Variants in KAZN observed in about 807,000 individuals in gnomAD.
KAZN encodes the protein kazrin, periplakin interacting protein.
In KAZN, 40 loss-of-function variants were observed where a neutral mutation model predicts 87.4. The ratio of observed to expected loss-of-function variants is 0.46; its 90% CI spans 0.36 to 0.60. The LOEUF (loss-of-function observed/expected upper bound fraction) is 0.60, where lower values mean the gene tolerates loss of function less well. Among genes scored for constraint, KAZN ranks in the 20% least tolerant of loss-of-function variants. The pLI, the probability that KAZN is intolerant of heterozygous loss-of-function variation, is 0.00. For synonymous variants in KAZN, 466 were observed against 458.3 expected (o/e 1.02, Z -0.22); for missense variants, 898 against 1,073.9 (o/e 0.84, Z 2.29).
chr1:14,193,964 C>T (rs1448078390), intron 2 of KAZN, among the ~76,000 whole-genome samples: 2 of 151,996 alleles, frequency 1.3e-5, no homozygotes, highest in African/African-American at 4.8e-5. Context: ...TTTGTTGATT[C>T]CCTATTATTG....
chr1:14,862,994 G>C (rs1651042767), intron 1 of KAZN, among the ~76,000 whole-genome samples: 1 of 152,220 alleles, frequency 6.6e-6, no homozygotes, highest in South Asian at 2.1e-4. Flanking sequence ...AGGTGGAGCT[G>C]AGATTCGGTC....
intron 1 of KAZN, among the ~76,000 whole-genome samples, chr1:14,913,442 C>T (rs1361845884): frequency 1.3e-5 from 2 of 152,194 alleles, no homozygotes; most frequent in Non-Finnish European, 2.9e-5. Context: ...CCTCCCGAAA[C>T]CAGTTCCAAA....
chr1:14,300,639 C>T (rs1259801794), intron 2 of KAZN, among the ~76,000 whole-genome samples: 1 of 152,178 alleles, frequency 6.6e-6, no homozygotes, highest in African/African-American at 2.4e-5. Context: ...TGGAAACAGA[C>T]AGGTTAGGAA....
chr1:14,791,105 A>T (rs1645661108), intron 1 of KAZN, among the ~76,000 whole-genome samples: 1 of 152,204 alleles, frequency 6.6e-6, no homozygotes, highest in African/African-American at 2.4e-5. Context: ...TGCTTAACAG[A>T]CAACCCTGCC....
chr1:13,950,836 G>A (rs1641318194), intron 1 of KAZN, among the ~76,000 whole-genome samples: 1 of 152,158 alleles, frequency 6.6e-6, no homozygotes, highest in African/African-American at 2.4e-5. Context: ...GTTCCCACTG[G>A]CTGCCTCTTG....
At chr1:13,964,326 G>A (rs916843564) in intron 1 of KAZN, among the ~76,000 whole-genome samples, 18 of 152,198 alleles carry the variant, frequency 1.2e-4, no homozygotes, top group African/African-American at 4.3e-4. Context: ...AAAGAAGAAA[G>A]CAGTAGAAGT....
intron 1 of KAZN, among the ~76,000 whole-genome samples, chr1:14,803,147 C>T (rs995070033): frequency 5.9e-5 from 9 of 151,626 alleles, no homozygotes; most frequent in African/African-American, 1.9e-4. Context: ...ATAAGACAAA[C>T]GCTGTGCTAA....
intron 1 of KAZN, among the ~76,000 whole-genome samples, chr1:14,049,508 C>G (rs776841269): frequency 6.6e-6 from 1 of 152,106 alleles, no homozygotes; most frequent in Non-Finnish European, 1.5e-5. Flanking sequence ...TGAGTACCTG[C>G]TGCCTACTGA....
chr1:14,171,668 TA>T (rs921205182), intron 1 of KAZN, among the ~76,000 whole-genome samples: 7 of 152,206 alleles, frequency 4.6e-5, no homozygotes, highest in Admixed American at 2.6e-4. Flanking sequence ...CTATGGACCA[TA>T]TAAATGACAA....
intron 2 of KAZN, among the ~76,000 whole-genome samples, chr1:14,193,679 T>A (rs930302756): frequency 8.5e-4 from 112 of 132,390 alleles, no homozygotes; most frequent in African/African-American, 2.0e-3. Context: ...TTTTTTTTTT[T>A]ACCAGGTATA....
intron 1 of KAZN, among the ~76,000 whole-genome samples, chr1:14,880,921 C>T (rs989670010): frequency 5.3e-5 from 8 of 152,118 alleles, no homozygotes; most frequent in African/African-American, 1.9e-4. Context: ...TTGCTAGGCT[C>T]GTGCTGAGGG....
chr1:14,792,984 A>C (rs2100698185), intron 1 of KAZN, among the ~76,000 whole-genome samples: 1 of 151,986 alleles, frequency 6.6e-6, no homozygotes, highest in South Asian at 2.1e-4. Context: ...CAAAAAAAAA[A>C]AAAAAAACAT....
intron 2 of KAZN, among the ~76,000 whole-genome samples, chr1:14,589,722 G>A (rs902022549): frequency 2.0e-5 from 3 of 152,216 alleles, no homozygotes; most frequent in Non-Finnish European, 4.4e-5. Flanking sequence ...GGATGTTAGA[G>A]TCTTCATTCC....
intron 1 of KAZN, among the ~76,000 whole-genome samples, chr1:14,948,358 A>G (rs1662083464): frequency 6.6e-6 from 1 of 152,166 alleles, no homozygotes; most frequent in Admixed American, 6.5e-5. Flanking sequence ...CAATGGCAAG[A>G]CAGCTGCCAG....
chr1:14,596,423 A>G (rs1676518393), upstream of KAZN, among the ~76,000 whole-genome samples: 1 of 152,342 alleles, frequency 6.6e-6, no homozygotes, highest in African/African-American at 2.4e-5. Context: ...GTGTATTTGC[A>G]TATATGACTT....
chr1:14,850,027 C>T (rs2100974681), intron 1 of KAZN, among the ~76,000 whole-genome samples: 1 of 149,864 alleles, frequency 6.7e-6, no homozygotes, highest in Admixed American at 6.6e-5. Flanking sequence ...CCTCCGCCTC[C>T]CAAGTTCAAG....
At chr1:14,651,505 T>C (rs1438781791) in intron 1 of KAZN, among the ~76,000 whole-genome samples, 1 of 152,008 alleles carries the variant, frequency 6.6e-6, no homozygotes, top group Non-Finnish European at 1.5e-5. Context: ...GTTGGGGAGG[T>C]TATTTGTGAA....
In KAZN at chr1:14,902,185, A is replaced by G. The variant is rs113239520; in HGVS notation, c.227-58499A>G. Among the ~76,000 whole-genome samples the G allele has an allele frequency of 5.9e-5, 9 of 152,184 alleles. 1 individual carries two copies. The highest frequency in any genetic ancestry group is 2.2e-4 in the African/African-American group (9 of 41,530). On this transcript the variant is annotated intron_variant, in intron 1 of 14. Coordinates refer to ENST00000376030, the MANE Select transcript of KAZN (RefSeq NM_201628.3). ...GGATTTAAGACATGCTTTGATGGAC[A>G]TAAATTTATAGACTAGAAAATCCGA...
At chr1:14,042,323 A>C (rs1174726594) in intron 1 of KAZN, among the ~76,000 whole-genome samples, 1 of 152,092 alleles carries the variant, frequency 6.6e-6, no homozygotes, top group Non-Finnish European at 1.5e-5. Context: ...AGGAGAGGGA[A>C]GTCACTTCCT....
Sources: allele counts gnomAD v4.1 joint callset (sites outside exome capture counted in the v4.1 genomes callset), GRCh38; gene constraint gnomAD v4.1.1; transcripts MANE v1.5; gene names NCBI Gene and HGNC (gene_info 2026-07-23, HGNC 2026-07-21).